TCF20: variants seen among roughly 807,000 people sequenced by gnomAD.
TCF20 encodes transcription factor 20.
Under a neutral mutation model 148.6 loss-of-function variants are expected in TCF20, and 3 were observed. The ratio of observed to expected loss-of-function variants is 0.02; its 90% CI spans 0.01 to 0.05. TCF20 has a LOEUF of 0.05. Among genes scored for constraint, TCF20 ranks in the 10% least tolerant of loss-of-function variants. The pLI is 1.00. For synonymous variants in TCF20, 1,049 were observed against 909.5 expected (o/e 1.15, Z -2.76); for missense variants, 2,350 against 2,429.3 (o/e 0.97, Z 0.69).
At chr22:42,311,029 TGGCTGGCCCAA>T (rs1031759824) in intron 1 of TCF20, among the ~76,000 whole-genome samples, 1 of 152,202 alleles carries the variant, frequency 6.6e-6, no homozygotes, top group African/African-American at 2.4e-5. Context: ...AGGAACCGTA[TGGCTGGCCCAA>T]GGCTGGCCCG....
At chr22:42,303,398 G>A (rs1056410149) in intron 1 of TCF20, among the ~76,000 whole-genome samples, 3 of 152,268 alleles carry the variant, frequency 2.0e-5, no homozygotes, top group Admixed American at 1.3e-4. Context: ...AGACAGAAAC[G>A]GCTCATCCTA....
At chr22:42,243,853 C>T (rs181101879) in intron 1 of TCF20, among the ~76,000 whole-genome samples, 1 of 152,058 alleles carries the variant, frequency 6.6e-6, no homozygotes, top group African/African-American at 2.4e-5. Flanking sequence ...GAAAAATGAA[C>T]CACAATGACA....
At chr22:42,179,490 C>CAAAAAAAAAAAAAAAAAAAAGAA (rs1936655316) in intron 3 of TCF20, 119 bp downstream of exon 3, 1 of 341,484 alleles carries the variant, frequency 2.9e-6, no homozygotes, top group Non-Finnish European at 4.9e-6. Flanking sequence ...TATGAAGTGA[C>CAAAAAAAAAAAAAAAAAAAAGAA]AAAAAAAAAA....
At chr22:42,200,641 CAAA>C (rs34605295) in intron 2 of TCF20, among the ~76,000 whole-genome samples, 2 of 96,502 alleles carry the variant, frequency 2.1e-5, no homozygotes, top group African/African-American at 4.2e-5. Context: ...GACTTCGTCT[CAAA>C]AAAAAAAAAA....
chr22:42,280,519 A>G (rs1926878776), intron 1 of TCF20, among the ~76,000 whole-genome samples: 1 of 152,198 alleles, frequency 6.6e-6, no homozygotes, highest in Admixed American at 6.5e-5. Flanking sequence ...TTTAGTTTCT[A>G]GGCTGCCCTG....
chr22:42,224,237 C>T (rs1011658739), intron 1 of TCF20, among the ~76,000 whole-genome samples: 1 of 151,834 alleles, frequency 6.6e-6, no homozygotes, highest in African/African-American at 2.4e-5. Context: ...TTTGGGAGGC[C>T]GAGGTGGGCG....
chr22:42,309,896 C>T (rs184284628), intron 1 of TCF20, among the ~76,000 whole-genome samples: 6 of 152,334 alleles, frequency 3.9e-5, no homozygotes, highest in Admixed American at 3.3e-4. Flanking sequence ...CTGTCATCAT[C>T]GCCATGAGGA....
At chr22:42,285,762 C>T (rs957063069), upstream of TCF20, among the ~76,000 whole-genome samples, 4 of 151,966 alleles carry the variant, frequency 2.6e-5, no homozygotes, top group East Asian at 1.9e-4. This position sits in a 1 kb window ranked among gnomAD's most constrained non-coding sequence, Gnocchi z 4.2. Context: ...TGTGAGCCAC[C>T]GCACCCAGTT....
At chr22:42,203,972 G>C (rs1405153552) in intron 2 of TCF20, among the ~76,000 whole-genome samples, 4 of 152,204 alleles carry the variant, frequency 2.6e-5, no homozygotes, top group Non-Finnish European at 5.9e-5. Flanking sequence ...AATTTAGAGA[G>C]CATGTAGACT....
At position 42,210,589 on chromosome 22, in the gene TCF20, C is replaced by T. The variant is rs1259750470; in HGVS notation, c.4717G>A (p.Gly1573Arg). 2 of 1,614,160 alleles carry T rather than the reference C, an allele frequency of 1.2e-6. No homozygotes were observed. Among genetic ancestry groups the T allele is most frequent in the African/African-American group, 1.3e-5 (1 of 75,016 alleles). ...PPQIPEGSADGEPKPKKQRQR... is the reference protein window; with the variant it reads ...PPQIPEGSADREPKPKKQRQR... Reference sequence around the variant, plus strand: ...CTCTGTTTTTTTGGCTTTGGCTCTCCATCTGCAGAACCTTCTGGTATCTGT... The same window carrying T: ...CTCTGTTTTTTTGGCTTTGGCTCTCTATCTGCAGAACCTTCTGGTATCTGT... Residue 1573 changes from glycine (G) to arginine (R), a missense_variant, in exon 2 of 6, where the codon GGA (glycine) becomes AGA (arginine). By Grantham distance (125) the Gly-to-Arg change is moderately radical. Coordinates refer to ENST00000677622, the MANE Select transcript of TCF20 (RefSeq NM_001378418.1). This position sits in a 1 kb window ranked among gnomAD's most constrained non-coding sequence, Gnocchi z 4.7.
At chr22:42,321,099 C>T (rs1927724531) in intron 1 of TCF20, among the ~76,000 whole-genome samples, 1 of 152,248 alleles carries the variant, frequency 6.6e-6, no homozygotes, top group Non-Finnish European at 1.5e-5. Context: ...AAAAGCCGCG[C>T]GCAAGCAATT....
At chr22:42,225,871 G>C (rs1349563984) in intron 1 of TCF20, among the ~76,000 whole-genome samples, 1 of 152,136 alleles carries the variant, frequency 6.6e-6, no homozygotes, top group Non-Finnish European at 1.5e-5. Flanking sequence ...TGTGCACACA[G>C]GGTCACTAGC....
At chr22:42,244,787 T>TA (rs1252209086) in intron 1 of TCF20, among the ~76,000 whole-genome samples, 1 of 152,024 alleles carries the variant, frequency 6.6e-6, no homozygotes, top group Non-Finnish European at 1.5e-5. Flanking sequence ...CATATCAATT[T>TA]AAAAAAATCT....
chr22:42,316,894 A>G lies in TCF20; in HGVS notation c.-37+26585T>C, dbSNP rs1428286252. On this transcript the variant is annotated intron_variant, in intron 1 of 1. Transcript: ENST00000515426. ...AGAACTTTCTGGTCTCATCTCCACC[A>G]CTTCACTCCAGCCAAGCGTCGCCCT... is the stretch of plus-strand genomic sequence containing the variant. Among the ~76,000 whole-genome samples, 4 of 151,916 alleles carry G rather than the reference A, an allele frequency of 2.6e-5. No homozygotes were observed. In the South Asian group the frequency reaches 6.2e-4, roughly 24 times the overall value.
intron 1 of TCF20, among the ~76,000 whole-genome samples, chr22:42,251,297 C>T (rs1569186290): frequency 6.6e-6 from 1 of 152,040 alleles, no homozygotes; most frequent in Non-Finnish European, 1.5e-5. Context: ...AGAGATCCTC[C>T]CACCTCAGTC....
At chr22:42,264,106 T>A (rs936162671) in intron 1 of TCF20, among the ~76,000 whole-genome samples, 1 of 152,048 alleles carries the variant, frequency 6.6e-6, no homozygotes, top group Non-Finnish European at 1.5e-5. Flanking sequence ...CTCCTGGCTA[T>A]GGTTAACAAA....
chr22:42,193,169 A>T (rs1030979756), intron 2 of TCF20, among the ~76,000 whole-genome samples: 8 of 151,324 alleles, frequency 5.3e-5, no homozygotes, highest in Non-Finnish European at 1.0e-4. Context: ...AGGAAAAAGG[A>T]AAAAAAGAAA....
chr22:42,206,943 A>G (rs181873976), intron 2 of TCF20, among the ~76,000 whole-genome samples: 2 of 152,278 alleles, frequency 1.3e-5, no homozygotes, highest in East Asian at 3.9e-4. Context: ...TGACACCATG[A>G]GCAATGGGAA....
chr22:42,179,301 A>G (rs888930405), intron 3 of TCF20, among the ~76,000 whole-genome samples: 1 of 152,062 alleles, frequency 6.6e-6, no homozygotes, highest in African/African-American at 2.4e-5. Flanking sequence ...ATAACAGTCA[A>G]AAAGTGGAAG....
Sources: allele counts gnomAD v4.1 joint callset (sites outside exome capture counted in the v4.1 genomes callset), GRCh38; gene constraint gnomAD v4.1.1; non-coding constraint Gnocchi (gnomAD v3.1); transcripts MANE v1.5; gene names NCBI Gene and HGNC (gene_info 2026-07-23, HGNC 2026-07-21).